The following CNTNAP2 variants were observed in gnomAD, a reference collection of about 807,000 sequenced individuals.
CNTNAP2 encodes contactin-associated protein-like 2.
In CNTNAP2, 98 loss-of-function variants were observed where a neutral mutation model predicts 155.2. The observed-to-expected ratio is 0.63, with a 90% CI of 0.54 to 0.75. The LOEUF (loss-of-function observed/expected upper bound fraction) is 0.75, where lower values mean the gene tolerates loss of function less well. CNTNAP2 is among the 30% of genes least tolerant of loss of function. CNTNAP2 has a pLI of 0.00. For synonymous variants in CNTNAP2, 651 were observed against 631.2 expected, an observed-to-expected ratio of 1.03 and a Z score of -0.47; for missense variants, 1,727 against 1,688.1, an observed-to-expected ratio of 1.02 and a Z score of -0.40.
intron 13 of CNTNAP2, among the ~76,000 whole-genome samples, chr7:147,746,554 C>T (rs370001431): frequency 2.6e-5 from 4 of 152,026 alleles, no homozygotes; most frequent in African/African-American, 9.7e-5. Context: ...AAACCTGCTC[C>T]CAGTTCCTCT....
intron 3 of CNTNAP2, among the ~76,000 whole-genome samples, chr7:147,036,774 A>T (rs1015489359): frequency 1.2e-4 from 18 of 152,288 alleles, no homozygotes; most frequent in African/African-American, 4.1e-4. Flanking sequence ...GAAAGATTCA[A>T]CTTTGCTTTA....
chr7:147,697,062 G>T (rs114879265), intron 13 of CNTNAP2, among the ~76,000 whole-genome samples: 12 of 152,142 alleles, frequency 7.9e-5, no homozygotes, highest in Non-Finnish European at 1.5e-4. Context: ...TAGTGACTGA[G>T]AATTTTTCCA....
intron 1 of CNTNAP2, among the ~76,000 whole-genome samples, chr7:146,358,191 T>C (rs1292383250): frequency 1.3e-5 from 2 of 151,960 alleles, no homozygotes; most frequent in East Asian, 1.9e-4. Flanking sequence ...CCCGCCACCA[T>C]GCCCGGCTAA....
chr7:148,382,026 C>CAACA (rs997670871), intron 21 of CNTNAP2, among the ~76,000 whole-genome samples: 5 of 152,222 alleles, frequency 3.3e-5, no homozygotes, highest in African/African-American at 9.7e-5. Flanking sequence ...AGGAAAGAAA[C>CAACA]AACAGTTGAA....
chr7:147,925,882 A>G (rs1800389578), intron 14 of CNTNAP2, among the ~76,000 whole-genome samples: 2 of 151,894 alleles, frequency 1.3e-5, no homozygotes, highest in South Asian at 2.1e-4. Flanking sequence ...CCTCCCCTCA[A>G]CTCCTGGCAA....
intron 1 of CNTNAP2, among the ~76,000 whole-genome samples, chr7:146,194,915 C>A (rs1222955910): frequency 6.6e-6 from 1 of 152,150 alleles, no homozygotes; most frequent in African/African-American, 2.4e-5. Flanking sequence ...CTGCTGGTCA[C>A]TTCTCCAATC....
At chr7:147,656,786 C>A (rs1338516428) in intron 13 of CNTNAP2, among the ~76,000 whole-genome samples, 7 of 150,304 alleles carry the variant, frequency 4.7e-5, no homozygotes, top group Non-Finnish European at 8.9e-5. Context: ...AACAAAAAAA[C>A]CCGATGCCAA....
chr7:146,409,737 A>G (rs1795840609), intron 1 of CNTNAP2, among the ~76,000 whole-genome samples: 1 of 152,122 alleles, frequency 6.6e-6, no homozygotes, highest in African/African-American at 2.4e-5. Context: ...TTCCACTAAG[A>G]TTTTTTATTC....
At position 148,417,765 on chromosome 7, in the gene CNTNAP2, C is replaced by G. The variant is rs1486690292; in HGVS notation, c.*2149C>G. On this transcript the variant is annotated 3_prime_UTR_variant, in exon 24 of 24. Coordinates refer to ENST00000361727, the MANE Select transcript of CNTNAP2 (RefSeq NM_014141.6). ...CCAGATGGAAATTTATTATTTCTTG[C>G]AATTCCCATGATAGCTCTGTTCTTT... 1 of 152,200 alleles carries G rather than the reference C, an allele frequency of 6.6e-6. No individual in the cohort carries two copies. Among genetic ancestry groups the G allele is most frequent in the Non-Finnish European group, 1.5e-5 (1 of 68,026 alleles). 9.4% of individuals were successfully genotyped at this position (152,200 alleles called of 1,614,324 possible).
At chr7:146,812,122 A>G (rs1412526258) in intron 2 of CNTNAP2, among the ~76,000 whole-genome samples, 1 of 152,112 alleles carries the variant, frequency 6.6e-6, no homozygotes, top group East Asian at 1.9e-4. Context: ...GAACTGGGTA[A>G]CAGACAGAGC....
intron 14 of CNTNAP2, among the ~76,000 whole-genome samples, chr7:147,929,524 T>G (rs1440429356): frequency 6.6e-6 from 1 of 152,174 alleles, no homozygotes; most frequent in African/African-American, 2.4e-5. Flanking sequence ...AAAGGTACAG[T>G]TTCAAAATAC....
intron 3 of CNTNAP2, among the ~76,000 whole-genome samples, chr7:147,031,298 A>G (rs915963262): frequency 1.3e-5 from 2 of 152,224 alleles, no homozygotes; most frequent in Non-Finnish European, 2.9e-5. Flanking sequence ...TTCTGATGCT[A>G]TATTAGATTA....
In CNTNAP2 at chr7:146,162,803, TAC is replaced by T. The variant is rs1456157896; in HGVS notation, c.97+45833_97+45834del. On this transcript the variant is annotated intron_variant, in intron 1 of 23. Transcript: ENST00000361727. ...CTGAATTAAGAAAATGTGGCACATA[TAC>T]ACCATGGAATCCTATGCAGCCATAA... Among the ~76,000 whole-genome samples the T allele has an allele frequency of 2.0e-5, 3 of 152,312 alleles. No individual in the cohort carries two copies. The South Asian group carries it at 6.2e-4, about 32-fold the overall frequency.
intron 1 of CNTNAP2, among the ~76,000 whole-genome samples, chr7:146,534,133 T>C (rs1797811803): frequency 6.6e-6 from 1 of 152,070 alleles, no homozygotes; most frequent in African/African-American, 2.4e-5. Flanking sequence ...TTGAAAGCCT[T>C]CTGATACTAA....
intron 4 of CNTNAP2, among the ~76,000 whole-genome samples, chr7:147,065,949 T>C (rs548686628): frequency 1.6e-4 from 25 of 152,184 alleles, no homozygotes; most frequent in South Asian, 8.3e-4. Flanking sequence ...TTGACTCATA[T>C]CTTTTGTACC....
rs563474087 is a variant in CNTNAP2 at position 146,875,946 on chromosome 7, A to C, written c.402+36042A>C. Among the ~76,000 whole-genome samples, 37 of 145,492 alleles carry C rather than the reference A, an allele frequency of 2.5e-4. 1 individual carries two copies. The highest frequency in any genetic ancestry group is 7.8e-4 in the African/African-American group (29 of 37,106). ...CACACATACACAGCAAAAAAAAAAA[A>C]AAAAAAAAAAAAAAACAAAAAACAA... On this transcript the variant is annotated intron_variant, in intron 3 of 23. Coordinates refer to ENST00000361727, the MANE Select transcript of CNTNAP2 (RefSeq NM_014141.6).
intron 1 of CNTNAP2, among the ~76,000 whole-genome samples, chr7:146,541,428 T>C (rs1482204678): frequency 1.3e-5 from 2 of 152,028 alleles, no homozygotes. Flanking sequence ...AGAAGCTTCA[T>C]TATATTTTGA....
At chr7:146,181,503 A>T (rs892682846) in intron 1 of CNTNAP2, among the ~76,000 whole-genome samples, 4 of 152,144 alleles carry the variant, frequency 2.6e-5, no homozygotes, top group Non-Finnish European at 5.9e-5. Context: ...GCGGTTTTAC[A>T]TATCCTTCCA....
At chr7:148,065,456 A>G (rs973891756) in intron 15 of CNTNAP2, among the ~76,000 whole-genome samples, 1 of 152,066 alleles carries the variant, frequency 6.6e-6, no homozygotes, top group African/African-American at 2.4e-5. Context: ...TATTGTCCAA[A>G]TTTGGGATCC....
Sources: gnomAD v4.1 joint callset for allele counts (sites outside exome capture counted in the v4.1 genomes callset) on GRCh38, gnomAD v4.1.1 for gene constraint, MANE v1.5 for transcripts, NCBI Gene and HGNC (gene_info 2026-07-23, HGNC 2026-07-21) for gene names.